The following ANKRD36 variants were observed in gnomAD, a reference collection of about 807,000 sequenced individuals.
ANKRD36 encodes the protein ankyrin repeat domain-containing protein 36A.
Under a neutral mutation model 278.1 loss-of-function variants are expected in ANKRD36, and 179 were observed. That is an observed-to-expected ratio of 0.64 (90% CI 0.57 to 0.73). The LOEUF is 0.73. ANKRD36 is among the 30% of genes least tolerant of loss of function. The pLI, the probability that ANKRD36 is intolerant of heterozygous loss-of-function variation, is 0.00. For synonymous variants in ANKRD36, 320 were observed against 641.1 expected, an observed-to-expected ratio of 0.50 and a Z score of 7.57; for missense variants, 1,159 against 1,956.7, an observed-to-expected ratio of 0.59 and a Z score of 7.69.
At chr2:97,179,679 G>A (rs1392298526) in intron 22 of ANKRD36, 59 bp from the exon 23 acceptor site, 22 of 1,589,902 alleles carry the variant, frequency 1.4e-5, no homozygotes, top group Admixed American at 5.1e-5. Flanking sequence ...ATGCATTTAT[G>A]TATGGATAAC....
intron 56 of ANKRD36, among the ~76,000 whole-genome samples, chr2:97,210,966 G>A (rs937056214): frequency 1.3e-5 from 2 of 151,852 alleles, no homozygotes; most frequent in South Asian, 2.1e-4. Flanking sequence ...ACCACATGGG[G>A]GTGAGAGATA....
At chr2:97,140,536 G>C (rs1322577933) in intron 6 of ANKRD36, among the ~76,000 whole-genome samples, 1 of 151,946 alleles carries the variant, frequency 6.6e-6, no homozygotes, top group Non-Finnish European at 1.5e-5. Context: ...TGATGGGAAA[G>C]CATAGAGACA....
In ANKRD36 at chr2:97,216,945, C is replaced by T. The variant is rs1021551849; in HGVS notation, c.3674-232C>T. 6 of 1,044,056 alleles carry T rather than the reference C, an allele frequency of 5.7e-6. No individual in the cohort carries two copies. The African/African-American group carries it at 8.1e-5, about 14-fold the overall frequency. The allele number at this position is 1,044,056 out of a possible 1,614,324, so 64.7% of individuals were successfully genotyped here. A position where few individuals can be genotyped will look rare whatever the true frequency, so the allele number is the denominator to read the frequency against. ...GACACGGTTTTATTTTAGTTTTAGA[C>T]ATATGACAAATCATACCATGCTTGA... On this transcript the variant is annotated intron_variant, in intron 62 of 75. Transcript: ENST00000420699.
Position 97,240,984 on chromosome 2 carries a change from T to TGTTTTG in ANKRD36, c.4094-282_4094-281insGTTTTG, listed in dbSNP as rs1576533983. Among the ~76,000 whole-genome samples, 5 of 18,822 alleles carry TGTTTTG rather than the reference T, an allele frequency of 2.7e-4. No individual in the cohort carries two copies. The East Asian group carries it at 8.8e-3, about 33-fold the overall frequency. The allele number at this position is 18,822 out of a possible 152,430, so 12.3% of individuals were successfully genotyped here. On this transcript the variant is annotated intron_variant, in intron 68 of 75. Coordinates refer to ENST00000420699, the MANE Select transcript of ANKRD36 (RefSeq NM_001354587.1). ...ATCTTATGCAATCACATAACTATGT[T>TGTTTTG]TTTTTTTTTTTTTTTTTTTTTTTTT...
chr2:97,166,195 A>G (rs1012413100), intron 20 of ANKRD36, among the ~76,000 whole-genome samples: 1 of 152,146 alleles, frequency 6.6e-6, no homozygotes, highest in Non-Finnish European at 1.5e-5. Flanking sequence ...GTAGAAGAAA[A>G]TATGTAACAT....
chr2:97,193,589 C>T (rs376919043), intron 38 of ANKRD36, among the ~76,000 whole-genome samples: 1 of 150,574 alleles, frequency 6.6e-6, no homozygotes, highest in Non-Finnish European at 1.5e-5. Context: ...TGAGTGAACT[C>T]ACTTCAGATG....
At position 97,132,016 on chromosome 2, in the gene ANKRD36, T is replaced by A. The variant is rs374993649; in HGVS notation, c.799+4882T>A. ...GCTAATTTTTATATTTTTAGTAGAG[T>A]CGGGGTTTCACCGTGTTAGCCAGGA... On this transcript the variant is annotated intron_variant, in intron 6 of 75. Transcript: ENST00000420699. Among the ~76,000 whole-genome samples the A allele has an allele frequency of 6.8e-4, 103 of 151,738 alleles. 1 individual carries two copies. Among genetic ancestry groups the A allele is most frequent in the East Asian group, 2.1e-3 (11 of 5,152 alleles).
intron 22 of ANKRD36, among the ~76,000 whole-genome samples, chr2:97,169,174 AT>A (rs2051614244): frequency 6.6e-6 from 1 of 152,158 alleles, no homozygotes; most frequent in African/African-American, 2.4e-5. Context: ...ATGGTATCTC[AT>A]TGTGGTTTTG....
intron 26 of ANKRD36, 50 bp from the exon 27 acceptor site, chr2:97,183,409 A>G (rs2056713484): frequency 4.0e-6 from 6 of 1,511,736 alleles, no homozygotes; most frequent in African/African-American, 1.4e-5. Flanking sequence ...TGTATGGATG[A>G]CTTTGTCATA....
chr2:97,177,100 C>A (rs2054499918), intron 22 of ANKRD36, among the ~76,000 whole-genome samples: 1 of 151,568 alleles, frequency 6.6e-6, no homozygotes, highest in South Asian at 2.1e-4. Context: ...GAATAAAATA[C>A]CTAGGAATCC....
intron 40 of ANKRD36, among the ~76,000 whole-genome samples, chr2:97,195,722 A>G (rs1297492846): frequency 2.6e-5 from 4 of 151,994 alleles, no homozygotes; most frequent in African/African-American, 9.7e-5. Context: ...TTAGAAAATA[A>G]CATGATACTG....
chr2:97,237,356 C>T (rs2073720870), intron 68 of ANKRD36, among the ~76,000 whole-genome samples: 1 of 150,578 alleles, frequency 6.6e-6, no homozygotes, highest in African/African-American at 2.4e-5. Context: ...CCATAATTTG[C>T]ATTGGGGTTC....
chr2:97,155,023 C>G (rs987923628), intron 15 of ANKRD36, among the ~76,000 whole-genome samples: 10 of 143,480 alleles, frequency 7.0e-5, no homozygotes, highest in African/African-American at 2.4e-4. Context: ...TTTTGGAACA[C>G]TTTCCCACAA....
Position 97,164,384 on chromosome 2 carries a change from C to T in ANKRD36, c.1459-13C>T. ...CATGATATGTTAATCATTATGTTGT[C>T]AAACCCATTCAGCATACGGTGAAAG... On this transcript the variant is annotated splice_polypyrimidine_tract_variant and intron_variant, in intron 19 of 75. Transcript: ENST00000420699. 1.3e-6 allele frequency: 2 copies of T among 1,537,642 alleles called. No homozygotes were observed. Among genetic ancestry groups the T allele is most frequent in the Non-Finnish European group, 8.7e-7 (1 of 1,146,864 alleles).
chr2:97,232,807 T>C (rs1316062512), intron 67 of ANKRD36, among the ~76,000 whole-genome samples: 2 of 151,712 alleles, frequency 1.3e-5, no homozygotes, highest in East Asian at 4.0e-4. Flanking sequence ...ATTTTTATAA[T>C]GATACTGAAA....
chr2:97,211,969 A>G (rs1246678096), intron 58 of ANKRD36, among the ~76,000 whole-genome samples: 6 of 151,670 alleles, frequency 4.0e-5, no homozygotes, highest in African/African-American at 1.2e-4. Context: ...AAAAAGAACC[A>G]TCTGACAGCA....
intron 69 of ANKRD36, among the ~76,000 whole-genome samples, chr2:97,242,540 C>A (rs1365612701): frequency 1.5e-5 from 2 of 137,642 alleles, no homozygotes; most frequent in East Asian, 5.0e-4. Context: ...GAAAGTGTTA[C>A]CCAAAAAACA....
rs1036412545 is a variant in ANKRD36, at chr2:97,140,121, G to A, written c.800-2519G>A. On this transcript the variant is annotated intron_variant, in intron 6 of 75. Transcript: ENST00000420699. ...TATTTCTGTTCCATATTTATTTCCT[G>A]TCTCATGGCACTCTGCTCTTCTTGG... Among the ~76,000 whole-genome samples, 11 of 151,438 alleles carry A rather than the reference G, an allele frequency of 7.3e-5. 2 individuals are homozygous for A. The East Asian group carries it at 7.8e-4, about 11-fold the overall frequency.
chr2:97,138,691 C>G (rs1399860524), intron 6 of ANKRD36, among the ~76,000 whole-genome samples: 1 of 151,990 alleles, frequency 6.6e-6, no homozygotes, highest in Non-Finnish European at 1.5e-5. Flanking sequence ...AAATATACTA[C>G]AAGGCTACAG....
Sources: gnomAD v4.1 joint callset for allele counts (sites outside exome capture counted in the v4.1 genomes callset) on GRCh38, gnomAD v4.1.1 for gene constraint, MANE v1.5 for transcripts, NCBI Gene and HGNC (gene_info 2026-07-23, HGNC 2026-07-21) for gene names.